PCDHA9: variants seen among roughly 807,000 people sequenced by gnomAD.
The protein encoded by PCDHA9 is protocadherin alpha-9.
A neutral mutation model predicts 62.0 loss-of-function variants in PCDHA9; 62 were observed. The ratio of observed to expected loss-of-function variants is 1.00; its 90% CI spans 0.81 to 1.23. The LOEUF (loss-of-function observed/expected upper bound fraction) is 1.23. Among genes scored for constraint, PCDHA9 ranks in the 50% most tolerant of loss-of-function variants. PCDHA9 has a pLI of 0.00. For missense variants in PCDHA9, 1,205 were observed against 1,249.8 expected, an observed-to-expected ratio of 0.96 and a Z score of 0.54; for synonymous variants, 557 against 567.6, an observed-to-expected ratio of 0.98 and a Z score of 0.27.
chr5:140,886,043 T>C (rs977275136), intron 1 of PCDHA9, among the ~76,000 whole-genome samples: 3 of 152,168 alleles, frequency 2.0e-5, no homozygotes, highest in Admixed American at 6.5e-5. Context: ...TTTTCCCCAA[T>C]AGTAACATCT....
At chr5:140,898,797 C>T (rs1210404780) in intron 1 of PCDHA9, among the ~76,000 whole-genome samples, 7 of 152,160 alleles carry the variant, frequency 4.6e-5, no homozygotes, top group East Asian at 1.9e-4. Context: ...GCCATTTTCA[C>T]GATACTGATT....
rs892297422 is a variant in PCDHA9, at chr5:140,851,955, G to T, written c.2394+1066G>T. The T allele has an allele frequency of 3.1e-6, 3 of 975,116 alleles. 1 individual carries two copies. Among genetic ancestry groups the T allele is most frequent in the Non-Finnish European group, 3.7e-6 (3 of 807,888 alleles). The allele number at this position is 975,116 out of a possible 1,614,324, so 60.4% of individuals were successfully genotyped here. A position where few individuals can be genotyped will look rare whatever the true frequency, so the allele number is the denominator to read the frequency against. On this transcript the variant is annotated intron_variant, in intron 1 of 3. Transcript: ENST00000532602. Reference sequence around the variant, plus strand: ...ATTGTAGTATGTGACTTTCAAAATGGTGGTTTTCCACACTCTACCTTTAGT... The same window carrying T: ...ATTGTAGTATGTGACTTTCAAAATGTTGGTTTTCCACACTCTACCTTTAGT...
At chr5:140,888,018 T>A (rs557919672) in intron 1 of PCDHA9, among the ~76,000 whole-genome samples, 1 of 152,360 alleles carries the variant, frequency 6.6e-6, no homozygotes, top group South Asian at 2.1e-4. Context: ...TTTATCTATA[T>A]GTTTGAGCAT....
chr5:140,849,771 A>G lies in PCDHA9; in HGVS notation c.1276A>G (p.Thr426Ala). The G allele has an allele frequency of 6.3e-7, 1 of 1,598,330 alleles. No individual in the cohort carries two copies. The highest frequency in any genetic ancestry group is 8.6e-7 in the Non-Finnish European group (1 of 1,167,912). The change falls in exon 1 of 4, where the codon ACC (threonine) becomes GCC (alanine). Residue 426 changes from threonine to alanine, a missense_variant. Around this residue, in one of 3 missense-constraint regions of PCDHA9, gnomAD observed 887 missense variants for 809.5 expected, o/e 1.10. Coordinates refer to ENST00000532602, the MANE Select transcript of PCDHA9 (RefSeq NM_031857.2). ...ESVSAYELVVTARDGGSPSLW... is the reference protein window; with the variant it reads ...ESVSAYELVVAARDGGSPSLW... ...TGTGTCCGCCTACGAGCTGGTGGTT[A>G]CCGCGCGGGACGGGGGCTCGCCTTC...
At chr5:140,869,628 T>A (rs1562631338) in intron 1 of PCDHA9, 1 of 1,613,700 alleles carries the variant, frequency 6.2e-7, no homozygotes. Flanking sequence ...TAAGTAAAAA[T>A]GAGTATTTTT....
intron 3 of PCDHA9, 146 bp downstream of exon 3, chr5:140,982,709 A>G (rs2096998107): frequency 2.2e-6 from 3 of 1,375,182 alleles, no homozygotes; most frequent in Admixed American, 2.9e-5. Flanking sequence ...ATTTCCTTAC[A>G]TATATGATTA....
In PCDHA9 at chr5:140,850,012, G is replaced by A. The variant is rs1415063137; in HGVS notation, c.1517G>A (p.Ser506Asn). The change falls in exon 1 of 4, where the codon AGC becomes AAC. Residue 506 changes from serine (S) to asparagine (N), a missense_variant. Transcript: ENST00000532602. ...CGGTTGGGCGAGCGCTCGCTGTCGAGCTACGTGTCAGTGCACGCGGAGAGC... is the reference window on the plus strand; with the variant it reads ...CGGTTGGGCGAGCGCTCGCTGTCGAACTACGTGTCAGTGCACGCGGAGAGC... ...ERRLGERSLS[S>N]YVSVHAESGK... 5 of 1,596,912 alleles carry A rather than the reference G, an allele frequency of 3.1e-6. 1 individual carries two copies. In the African/African-American group the frequency reaches 5.4e-5, roughly 17 times the overall value.
chr5:140,922,786 G>A (rs1397049612), intron 1 of PCDHA9, among the ~76,000 whole-genome samples: 2 of 152,198 alleles, frequency 1.3e-5, no homozygotes, highest in African/African-American at 4.8e-5. Context: ...AGAGAAAACT[G>A]TAGCTTTGGA....
At chr5:140,926,391 A>G (rs76822698) in intron 1 of PCDHA9, 1 of 152,346 alleles carries the variant, frequency 6.6e-6, no homozygotes, top group East Asian at 1.9e-4. Context: ...GGGCTCAGCC[A>G]CAGTTATCAG....
intron 1 of PCDHA9, among the ~76,000 whole-genome samples, chr5:140,888,663 T>C (rs1278510364): frequency 6.6e-6 from 1 of 152,194 alleles, no homozygotes; most frequent in Non-Finnish European, 1.5e-5. Context: ...CACCACCTAA[T>C]GCCCTGTGCA....
At chr5:141,001,220 G>T (rs1554258038) in intron 3 of PCDHA9, among the ~76,000 whole-genome samples, 1 of 152,116 alleles carries the variant, frequency 6.6e-6, no homozygotes, top group African/African-American at 2.4e-5. Flanking sequence ...TATAAGGATA[G>T]TTACATTTAA....
At chr5:140,959,614 G>T (rs1175211325) in intron 1 of PCDHA9, among the ~76,000 whole-genome samples, 1 of 152,024 alleles carries the variant, frequency 6.6e-6, no homozygotes, top group African/African-American at 2.4e-5. Context: ...TTTCTTGCTT[G>T]TGATAGAAAA....
At position 140,850,583 on chromosome 5, in the gene PCDHA9, C is replaced by T; in HGVS notation, c.2088C>T (p.Val696=). ...GCCCCGAGGTGACGCTGGTGGATGT[C>T]AACGTGTACCTGATCATCGCCATCT... ...ATGPEVTLVD[V]NVYLIIAICA... Residue 696 remains valine, a synonymous_variant, in exon 1 of 4, where the codon GTC becomes GTT. Coordinates refer to ENST00000532602, the MANE Select transcript of PCDHA9 (RefSeq NM_031857.2). 2 of 1,598,412 alleles carry T rather than the reference C, an allele frequency of 1.3e-6. No individual in the cohort carries two copies. The highest frequency in any genetic ancestry group is 1.1e-5 in the South Asian group (1 of 90,542).
intron 1 of PCDHA9, among the ~76,000 whole-genome samples, chr5:140,942,323 T>C (rs1489572732): frequency 6.6e-6 from 1 of 151,970 alleles, no homozygotes; most frequent in Non-Finnish European, 1.5e-5. Flanking sequence ...GGCACAAGAA[T>C]CACTTGAACC....
chr5:140,856,338 G>T lies in PCDHA9; in HGVS notation c.2394+5449G>T, dbSNP rs781903292. The T allele has an allele frequency of 3.9e-5, 62 of 1,598,498 alleles. 11 individuals are homozygous for T. In the Admixed American group the frequency reaches 1.0e-3, roughly 27 times the overall value. On this transcript the variant is annotated intron_variant, in intron 1 of 3. Coordinates refer to ENST00000532602, the MANE Select transcript of PCDHA9 (RefSeq NM_031857.2). ...ATTGACCGCGAGGAGCTGTGCGGGC[G>T]GAGCGTGGAGTGCAGCATCCACCTG...
At chr5:140,941,750 T>C (rs528792646) in intron 1 of PCDHA9, among the ~76,000 whole-genome samples, 2 of 152,384 alleles carry the variant, frequency 1.3e-5, no homozygotes, top group Admixed American at 6.5e-5. Flanking sequence ...TATCAGATTT[T>C]CAGTGCTTTT....
rs2098416049 is a variant in PCDHA9, at chr5:141,010,101, T to G, written c.*164T>G. The G allele has an allele frequency of 6.2e-6, 10 of 1,612,488 alleles. No homozygotes were observed. Among genetic ancestry groups the G allele is most frequent in the Non-Finnish European group, 8.5e-6 (10 of 1,179,154 alleles). ...GTCTGTCTAGAACGCATTTAACAGG[T>G]TTTGTCGTAAAAGCTTTACTAAGTC... On this transcript the variant is annotated 3_prime_UTR_variant, in exon 4 of 4. Transcript: ENST00000532602.
intron 1 of PCDHA9, chr5:140,875,168 G>A (rs1554167513): frequency 5.5e-6 from 2 of 364,784 alleles, no homozygotes; most frequent in African/African-American, 4.2e-5. Flanking sequence ...ACCCAAAGTC[G>A]AAACATTAGA....
chr5:140,927,901 G>A lies in PCDHA9; in HGVS notation c.2395-51048G>A, dbSNP rs370478984. On this transcript the variant is annotated intron_variant, in intron 1 of 3. Transcript: ENST00000532602. ...GGAGGTGACTGACGTGAACGATCAT[G>A]CCCCCGAACTGGACTTCCTGACTCT... The A allele has an allele frequency of 6.2e-6, 10 of 1,614,084 alleles. No individual in the cohort carries two copies. Among genetic ancestry groups the A allele is most frequent in the Non-Finnish European group, 8.5e-6 (10 of 1,180,046 alleles).
Sources: gnomAD v4.1 joint callset for allele counts (sites outside exome capture counted in the v4.1 genomes callset) on GRCh38, gnomAD v4.1.1 for gene constraint, gnomAD v4.1.1 regional missense constraint, MANE v1.5 for transcripts, NCBI Gene and HGNC (gene_info 2026-07-23, HGNC 2026-07-21) for gene names.